Variants in GRM8 observed in about 807,000 individuals in gnomAD.
GRM8 encodes the protein glutamate metabotropic receptor 8.
A neutral mutation model predicts 87.2 loss-of-function variants in GRM8; 47 were observed. The observed-to-expected ratio is 0.54, with a 90% CI of 0.43 to 0.69. The LOEUF (loss-of-function observed/expected upper bound fraction) is 0.69. Among genes scored for constraint, GRM8 ranks in the 30% least tolerant of loss-of-function variants. The pLI is 0.00. For synonymous variants in GRM8, 396 were observed against 404.5 expected (o/e 0.98, Z 0.25); for missense variants, 1,019 against 1,139.2 (o/e 0.89, Z 1.52).
rs3873804 is a variant in GRM8 at position 126,889,966 on chromosome 7, A to G, written c.1156+12576T>C. On this transcript the variant is annotated intron_variant, in intron 6 of 10. Transcript: ENST00000339582. The stretch of plus-strand genomic sequence containing the variant: ...AAATGGCTTTAAAAATTGTTGTTCT[A>G]TAGGTCTATCACCCTAGACTTCTGC... 2.6e-5 allele frequency among the ~76,000 whole-genome samples: 4 copies of G among 152,242 alleles called. No homozygotes were observed. In the East Asian group the frequency reaches 5.8e-4, roughly 22 times the overall value.
intron 6 of GRM8, among the ~76,000 whole-genome samples, chr7:126,900,652 G>GTCCCAAGTA (rs1801986283): frequency 1.6e-5 from 1 of 62,064 alleles, no homozygotes; most frequent in African/African-American, 9.0e-5. Flanking sequence ...TGGGACTACA[G>GTCCCAAGTA]GCGCCCGCCA....
At chr7:127,064,844 T>A (rs1211908788) in intron 3 of GRM8, among the ~76,000 whole-genome samples, 1 of 152,094 alleles carries the variant, frequency 6.6e-6, no homozygotes, top group Non-Finnish European at 1.5e-5. Flanking sequence ...TCAGAATGGC[T>A]ATTAATAAAA....
intron 8 of GRM8, among the ~76,000 whole-genome samples, chr7:126,602,777 T>A (rs1797944559): frequency 6.6e-6 from 1 of 151,580 alleles, no homozygotes; most frequent in South Asian, 2.1e-4. Context: ...CAGGACCAGA[T>A]GGATTCACAG....
In GRM8 at chr7:127,161,727, GAC is replaced by G. The variant is rs548947178; in HGVS notation, c.511-55017_511-55016del. 2.6e-3 allele frequency among the ~76,000 whole-genome samples: 390 copies of G among 152,086 alleles called. 2 individuals carry two copies. The highest frequency in any genetic ancestry group is 8.9e-3 in the African/African-American group (371 of 41,494). The stretch of plus-strand genomic sequence containing the variant: ...CTAATTTCTATAAGACATGAATAAA[GAC>G]AACTATAATGACAAACAAGATTCAA... On this transcript the variant is annotated intron_variant, in intron 2 of 10. Coordinates refer to ENST00000339582, the MANE Select transcript of GRM8 (RefSeq NM_000845.3).
chr7:126,651,072 T>C (rs983575540), intron 7 of GRM8, among the ~76,000 whole-genome samples: 2 of 152,160 alleles, frequency 1.3e-5, no homozygotes, highest in Non-Finnish European at 2.9e-5. Flanking sequence ...CAGAGGTTTG[T>C]CCTCACTGGA....
chr7:126,618,438 G>A (rs1303890071), intron 7 of GRM8, among the ~76,000 whole-genome samples: 2 of 152,080 alleles, frequency 1.3e-5, no homozygotes, highest in African/African-American at 4.8e-5. Flanking sequence ...AAGAAAACCT[G>A]GGCAATACCA....
At chr7:127,217,780 G>C (rs1269436256) in intron 2 of GRM8, among the ~76,000 whole-genome samples, 20 of 152,178 alleles carry the variant, frequency 1.3e-4, no homozygotes, top group Non-Finnish European at 5.9e-5. Flanking sequence ...GATTTCTTTT[G>C]TGCTGGTTTT....
At chr7:126,577,180 G>A (rs192502475) in intron 8 of GRM8, among the ~76,000 whole-genome samples, 1 of 152,258 alleles carries the variant, frequency 6.6e-6, no homozygotes, top group South Asian at 2.1e-4. Flanking sequence ...AGAGGTTTAG[G>A]TTATCACCCA....
chr7:126,755,209 C>T lies in GRM8; in HGVS notation c.1357+14656G>A, dbSNP rs77711172. 3.3e-4 allele frequency among the ~76,000 whole-genome samples: 50 copies of T among 152,078 alleles called. 1 individual carries two copies. In the East Asian group the frequency reaches 9.5e-3, roughly 29 times the overall value. ...TGTTTAAGATGAAAAGAAAAACTTT[C>T]TCATTTAAATCTACTAGTTAATTGC... On this transcript the variant is annotated intron_variant, in intron 7 of 10. Transcript: ENST00000339582.
chr7:126,751,314 T>C (rs1816387670), intron 7 of GRM8, among the ~76,000 whole-genome samples: 4 of 152,240 alleles, frequency 2.6e-5, no homozygotes, highest in Middle Eastern at 6.8e-3. Flanking sequence ...GAAAATATTG[T>C]TGCATTCTTA....
At chr7:126,507,607 C>G (rs1810675798) in intron 9 of GRM8, among the ~76,000 whole-genome samples, 1 of 151,936 alleles carries the variant, frequency 6.6e-6, no homozygotes, top group Admixed American at 6.6e-5. Flanking sequence ...TTTACTGGTA[C>G]TTTTTTCTGT....
At chr7:126,502,628 A>G (rs79726386) in intron 9 of GRM8, among the ~76,000 whole-genome samples, 2,810 of 152,174 alleles carry the variant, frequency 0.018, 104 homozygotes, top group African/African-American at 0.064. Context: ...AAACAATTAT[A>G]TAGTACAAAC....
chr7:126,485,790 C>G (rs1056169814), intron 9 of GRM8, among the ~76,000 whole-genome samples: 2 of 151,772 alleles, frequency 1.3e-5, no homozygotes, highest in Non-Finnish European at 2.9e-5. Flanking sequence ...CCTTAAAGAA[C>G]TGAGTTCCTG....
chr7:127,196,128 T>C (rs942307933), intron 2 of GRM8, among the ~76,000 whole-genome samples: 7 of 152,184 alleles, frequency 4.6e-5, no homozygotes, highest in African/African-American at 1.7e-4. Context: ...GAAGAAATAA[T>C]GTGACATTCA....
intron 8 of GRM8, among the ~76,000 whole-genome samples, chr7:126,537,547 C>T (rs1056103851): frequency 2.0e-5 from 3 of 152,126 alleles, no homozygotes; most frequent in Non-Finnish European, 2.9e-5. Context: ...GAGGCCAAGG[C>T]AGGCGGATCA....
rs1191026806 is a variant in GRM8 at position 127,089,429 on chromosome 7, T to A, written c.727+17067A>T. Among the ~76,000 whole-genome samples, 3 of 152,152 alleles carry A rather than the reference T, an allele frequency of 2.0e-5. No individual in the cohort carries two copies. The South Asian group carries it at 6.2e-4, about 32-fold the overall frequency. On this transcript the variant is annotated intron_variant, in intron 3 of 10. Transcript: ENST00000339582. ...GAGCCACCCAGTGTGTGGTGATTTG[T>A]TAAGGCAGCTCTGGGAAATGAATAC...
intron 2 of GRM8, among the ~76,000 whole-genome samples, chr7:127,180,127 G>C (rs903416231): frequency 6.6e-6 from 1 of 152,006 alleles, no homozygotes; most frequent in Non-Finnish European, 1.5e-5. Context: ...GAAAAGAAGA[G>C]AGAAAATCCA....
In GRM8 at chr7:126,533,301, G is replaced by T; in HGVS notation, c.2081C>A (p.Ser694Tyr). The T allele has an allele frequency of 1.2e-6, 2 of 1,613,428 alleles. No individual in the cohort carries two copies. The highest frequency in any genetic ancestry group is 1.7e-6 in the Non-Finnish European group (2 of 1,179,610). ...VTAPKFISPA[S>Y]QLVITFSLIS... ...GAGGCTGAAGGTGATCACCAGCTGA[G>T]ATGCTGGACTAATGAACTTGGGCGC... The change falls in exon 9 of 11, where the codon TCT becomes TAT. Residue 694 changes from serine (S) to tyrosine (Y), a missense_variant. Transcript: ENST00000339582.
chr7:126,675,623 A>G (rs115822149), intron 7 of GRM8, among the ~76,000 whole-genome samples: 84 of 152,372 alleles, frequency 5.5e-4, no homozygotes, highest in African/African-American at 1.9e-3. Flanking sequence ...CTGCATACAT[A>G]GAAGTACTAA....
Sources: allele counts gnomAD v4.1 joint callset (sites outside exome capture counted in the v4.1 genomes callset), GRCh38; gene constraint gnomAD v4.1.1; transcripts MANE v1.5; gene names NCBI Gene and HGNC (gene_info 2026-07-23, HGNC 2026-07-21).